The following NTRK2 variants were observed in gnomAD, a reference collection of about 807,000 sequenced individuals.
NTRK2 encodes the protein BDNF/NT-3 growth factors receptor.
A neutral mutation model predicts 94.5 loss-of-function variants in NTRK2; 13 were observed. That is an observed-to-expected ratio of 0.14 (90% CI 0.09 to 0.22). The LOEUF (loss-of-function observed/expected upper bound fraction) is 0.22, where lower values mean the gene tolerates loss of function less well. Among genes scored for constraint, NTRK2 ranks in the 10% least tolerant of loss-of-function variants. NTRK2 has a pLI of 1.00. For missense variants in NTRK2, 639 were observed against 1,071.2 expected (o/e 0.60, Z 5.63); for synonymous variants, 372 against 407.4 (o/e 0.91, Z 1.05).
At chr9:84,875,353 T>C in intron 14 of NTRK2, 19 of 1,059,912 alleles carry the variant, frequency 1.8e-5, no homozygotes, top group Non-Finnish European at 2.2e-5. Context: ...CAGACTCTCA[T>C]ATGGTAAGTA....
At chr9:84,875,731 C>T (rs1005670954) in intron 14 of NTRK2, 10 of 1,053,154 alleles carry the variant, frequency 9.5e-6, no homozygotes, top group Non-Finnish European at 1.1e-5. Flanking sequence ...ATGGAGTTTG[C>T]TGTCCAGTGA....
At chr9:84,859,650 G>A (rs1439971292) in intron 12 of NTRK2, among the ~76,000 whole-genome samples, 1 of 152,014 alleles carries the variant, frequency 6.6e-6, no homozygotes, top group Non-Finnish European at 1.5e-5. Context: ...CATCTTAAGT[G>A]AAAAAAACAG....
chr9:84,840,697 A>G (rs1370345277), intron 12 of NTRK2, among the ~76,000 whole-genome samples: 1 of 152,020 alleles, frequency 6.6e-6, no homozygotes, highest in African/African-American at 2.4e-5. Context: ...CCATGCCCCA[A>G]TCTAGCGCGC....
At chr9:84,952,571 T>C (rs951390885) in intron 16 of NTRK2, among the ~76,000 whole-genome samples, 1 of 152,254 alleles carries the variant, frequency 6.6e-6, no homozygotes, top group Non-Finnish European at 1.5e-5. Context: ...CCGTTATTTC[T>C]GTTCCTCTTA....
chr9:84,779,145 G>A (rs2067325391), intron 12 of NTRK2, among the ~76,000 whole-genome samples: 2 of 152,140 alleles, frequency 1.3e-5, no homozygotes, highest in South Asian at 4.1e-4. Flanking sequence ...ATGGACAAGA[G>A]TAAAAATAAA....
intron 17 of NTRK2, among the ~76,000 whole-genome samples, chr9:85,015,486 G>A (rs1481368081): frequency 6.6e-6 from 1 of 152,190 alleles, no homozygotes; most frequent in Non-Finnish European, 1.5e-5. Flanking sequence ...AGACTGATCT[G>A]TTTCAAGGAA....
chr9:84,997,680 G>A (rs1316220104), intron 17 of NTRK2, among the ~76,000 whole-genome samples: 1 of 152,198 alleles, frequency 6.6e-6, no homozygotes, highest in Non-Finnish European at 1.5e-5. Context: ...AAGTCAGCCT[G>A]CCATGGAGGC....
intron 14 of NTRK2, among the ~76,000 whole-genome samples, chr9:84,897,883 C>T (rs2076806220): frequency 6.6e-6 from 1 of 152,146 alleles, no homozygotes; most frequent in South Asian, 2.1e-4. Flanking sequence ...GGACCCAGGG[C>T]TCTATAAAAC....
chr9:84,723,179 G>A (rs971046865), intron 6 of NTRK2, among the ~76,000 whole-genome samples: 1 of 152,124 alleles, frequency 6.6e-6, no homozygotes, highest in African/African-American at 2.4e-5. Context: ...AGTAAAAAAT[G>A]GGGGGTAGGA....
chr9:84,719,665 T>C (rs939036549), intron 6 of NTRK2, among the ~76,000 whole-genome samples: 7 of 152,028 alleles, frequency 4.6e-5, no homozygotes, highest in African/African-American at 1.7e-4. Flanking sequence ...ACAAGCACCA[T>C]GACGGGCCTT....
rs559001723 is a variant in NTRK2, at chr9:84,803,239, A to G, written c.1396+51154A>G. ...TTGCTCCTGGGAACAGGCACTAGAG[A>G]AAAAGGGGATGTCTGGGTAAAGAAC... is the stretch of plus-strand genomic sequence containing the variant. On this transcript the variant is annotated intron_variant, in intron 12 of 18. Transcript: ENST00000277120. 2.6e-5 allele frequency among the ~76,000 whole-genome samples: 4 copies of G among 152,302 alleles called. No individual in the cohort carries two copies. The South Asian group carries it at 8.3e-4, about 32-fold the overall frequency.
chr9:84,805,709 C>T (rs1281057248), intron 12 of NTRK2, among the ~76,000 whole-genome samples: 1 of 152,128 alleles, frequency 6.6e-6, no homozygotes, highest in African/African-American at 2.4e-5. Context: ...AGAGTTGAGG[C>T]CTTTAAGAAA....
At chr9:84,835,411 G>A (rs1445261225) in intron 12 of NTRK2, among the ~76,000 whole-genome samples, 2 of 151,988 alleles carry the variant, frequency 1.3e-5, no homozygotes, top group Non-Finnish European at 2.9e-5. Context: ...AGGCAGTCAG[G>A]GTTGTCTTTG....
chr9:84,748,503 G>A (rs953683726), intron 11 of NTRK2, among the ~76,000 whole-genome samples: 5 of 152,226 alleles, frequency 3.3e-5, no homozygotes, highest in African/African-American at 1.2e-4. Flanking sequence ...GATAAGTGAA[G>A]CATCTCTTCT....
At chr9:84,671,140 G>C (rs542425482) in intron 2 of NTRK2, among the ~76,000 whole-genome samples, 180 bp downstream of exon 2, 1 of 152,232 alleles carries the variant, frequency 6.6e-6, no homozygotes, top group Admixed American at 6.5e-5. Flanking sequence ...TGCTAGTGCA[G>C]GGAGAAGTGT....
rs896495807 is a variant in NTRK2, at chr9:84,670,653, G to C, written c.-96G>C. The C allele has an allele frequency of 1.6e-6, 2 of 1,246,456 alleles. No homozygotes were observed. The highest frequency in any genetic ancestry group is 1.5e-5 in the African/African-American group (1 of 68,134). 77.2% of individuals were successfully genotyped at this position (1,246,456 alleles called of 1,614,324 possible). A position where few individuals can be genotyped will look rare whatever the true frequency, so the allele number is the denominator to read the frequency against. On this transcript the variant is annotated 5_prime_UTR_variant, in exon 2 of 19. Transcript: ENST00000277120. ...CGCAACAAGCACCGAGGAGTTAAGA[G>C]AGCCGCAAGCGCAGGGAAGGCCTCC...
At chr9:84,987,427 G>GA (rs1340551475) in intron 17 of NTRK2, among the ~76,000 whole-genome samples, 1 of 152,142 alleles carries the variant, frequency 6.6e-6, no homozygotes, top group African/African-American at 2.4e-5. Flanking sequence ...TGGTCCTTGA[G>GA]AAAATCAGAG....
chr9:84,841,243 G>A (rs148165946), intron 12 of NTRK2, among the ~76,000 whole-genome samples: 23 of 152,296 alleles, frequency 1.5e-4, no homozygotes, highest in African/African-American at 5.1e-4. Flanking sequence ...TTGGATGCCA[G>A]GTGAGCATCT....
chr9:84,982,005 A>G (rs1827684761), intron 17 of NTRK2, among the ~76,000 whole-genome samples: 1 of 152,238 alleles, frequency 6.6e-6, no homozygotes, highest in African/African-American at 2.4e-5. Flanking sequence ...TGCCTTTGTT[A>G]CTGCATAAGC....
Sources: allele counts gnomAD v4.1 joint callset (sites outside exome capture counted in the v4.1 genomes callset), GRCh38; gene constraint gnomAD v4.1.1; transcripts MANE v1.5; gene names NCBI Gene and HGNC (gene_info 2026-07-23, HGNC 2026-07-21).